CHMP7: variants seen among roughly 807,000 people sequenced by gnomAD.
CHMP7 encodes charged multivesicular body protein 7.
Under a neutral mutation model 53.7 loss-of-function variants are expected in CHMP7, and 15 were observed. That is an observed-to-expected ratio of 0.28 (90% confidence interval 0.19 to 0.43). The LOEUF is 0.43. Among genes scored for constraint, CHMP7 ranks in the 20% least tolerant of loss-of-function variants. The pLI is 1.00. For missense variants in CHMP7, 527 were observed against 569.4 expected (o/e 0.93, Z 0.76); for synonymous variants, 261 against 228.0 (o/e 1.14, Z -1.30).
intron 7 of CHMP7, 25 bp downstream of exon 7, chr8:23,258,474 A>G (rs983023499): frequency 3.1e-6 from 5 of 1,613,440 alleles, no homozygotes; most frequent in Non-Finnish European, 4.2e-6. Context: ...CTACTCCAGC[A>G]CTTGGCTGGT....
intron 5 of CHMP7, 74 bp downstream of exon 5, chr8:23,256,667 G>A: frequency 7.8e-7 from 1 of 1,274,662 alleles, no homozygotes; most frequent in Non-Finnish European, 1.1e-6. Flanking sequence ...GTTAGTATAT[G>A]TGGGCTTTTA....
Position 23,246,708 on chromosome 8 carries a change from G to A in CHMP7, c.13G>A (p.Glu5Lys), listed in dbSNP as rs112810868. Reference sequence around the variant, plus strand: ...GGCTGGGGTTCCGATGTGGTCCCCGGAGCGGGAGGCCGAGGCCCCAGCCGG... The same window carrying A: ...GGCTGGGGTTCCGATGTGGTCCCCGAAGCGGGAGGCCGAGGCCCCAGCCGG... MWSP[E>K]REAEAPAGGD... The change falls in exon 2 of 11, where the codon GAG becomes AAG. Residue 5 changes from glutamate (E) to lysine (K), a missense_variant. Coordinates refer to ENST00000397677, the MANE Select transcript of CHMP7 (RefSeq NM_152272.5). The A allele has an allele frequency of 6.5e-7, 1 of 1,548,774 alleles. No homozygotes were observed.
At position 23,260,897 on chromosome 8, in the gene CHMP7, T is replaced by G. The variant is rs1802359269; in HGVS notation, c.*298T>G. On this transcript the variant is annotated 3_prime_UTR_variant, in exon 11 of 11. Coordinates refer to ENST00000397677, the MANE Select transcript of CHMP7 (RefSeq NM_152272.5). ...CTGCAGTTCTTGCCATTGGCACACTTAGATTTGTCTTCACCCACCAGCTTC... is the reference window on the plus strand; with the variant it reads ...CTGCAGTTCTTGCCATTGGCACACTGAGATTTGTCTTCACCCACCAGCTTC... 4 of 427,358 alleles carry G rather than the reference T, an allele frequency of 9.4e-6. No homozygotes were observed. The highest frequency in any genetic ancestry group is 1.7e-5 in the Non-Finnish European group (4 of 238,640). The allele number at this position is 427,358 out of a possible 1,614,324, so 26.5% of individuals were successfully genotyped here.
chr8:23,246,424 G>A lies in CHMP7; in HGVS notation c.-272G>A. ...GCAGCCACCTGCCGCGCAGGCGCAA[G>A]CCTTTCTTTCGGCACAAAGACCGTG... is the stretch of plus-strand genomic sequence containing the variant. On this transcript the variant is annotated 5_prime_UTR_variant, in exon 2 of 11. Coordinates refer to ENST00000397677, the MANE Select transcript of CHMP7 (RefSeq NM_152272.5). 2.0e-6 allele frequency: 1 copy of A among 497,672 alleles called. No homozygotes were observed. Among genetic ancestry groups the A allele is most frequent in the African/African-American group, 2.0e-5 (1 of 51,224 alleles). 30.8% of individuals were successfully genotyped at this position (497,672 alleles called of 1,614,324 possible).
At chr8:23,255,986 C>T (rs562660275) in intron 4 of CHMP7, among the ~76,000 whole-genome samples, 1 of 152,144 alleles carries the variant, frequency 6.6e-6, no homozygotes, top group South Asian at 2.1e-4. Flanking sequence ...TCTTGAACTC[C>T]TGACCTCAAG....
intron 1 of CHMP7, among the ~76,000 whole-genome samples, chr8:23,244,693 C>A (rs1197228218): frequency 6.6e-6 from 1 of 152,166 alleles, no homozygotes; most frequent in Non-Finnish European, 1.5e-5. Flanking sequence ...ATGATTTTCA[C>A]TGGGATTTCA....
At chr8:23,244,158 C>T (rs999117116) in intron 1 of CHMP7, among the ~76,000 whole-genome samples, 1 of 151,984 alleles carries the variant, frequency 6.6e-6, no homozygotes, top group Non-Finnish European at 1.5e-5. Context: ...ATAATAATTA[C>T]GTCTAATTTA....
chr8:23,247,865 C>A, intron 2 of CHMP7: 1 of 356,232 alleles, frequency 2.8e-6, no homozygotes, highest in Non-Finnish European at 5.5e-6. Flanking sequence ...TAGCGTGATA[C>A]CTCTCTCAGT....
chr8:23,254,529 G>A (rs1264304348), intron 3 of CHMP7, among the ~76,000 whole-genome samples: 1 of 151,598 alleles, frequency 6.6e-6, no homozygotes, highest in African/African-American at 2.4e-5. Flanking sequence ...CAAGTAGCTG[G>A]GATTACAGGT....
At position 23,247,491 on chromosome 8, in the gene CHMP7, A is replaced by T. The variant is rs911766789; in HGVS notation, c.299+497A>T. On this transcript the variant is annotated intron_variant, in intron 2 of 10. Transcript: ENST00000397677. The stretch of plus-strand genomic sequence containing the variant: ...CTTGTCCTTGGCACAGGCTTTTTGG[A>T]GCAGAGAGGACGTGAAGGAGAATGA... Among the ~76,000 whole-genome samples, 38 of 152,200 alleles carry T rather than the reference A, an allele frequency of 2.5e-4. No homozygotes were observed. In the Middle Eastern group the frequency reaches 0.01, roughly 41 times the overall value.
chr8:23,246,468 A>C lies in CHMP7; in HGVS notation c.-228A>C. ...GACCGTGGGAGGAGGGGTCGGCGCA[A>C]GCGCTCGGTGTCTCTCTGAAAAGAA... On this transcript the variant is annotated 5_prime_UTR_variant, in exon 2 of 11. Coordinates refer to ENST00000397677, the MANE Select transcript of CHMP7 (RefSeq NM_152272.5). The C allele has an allele frequency of 1.8e-6, 1 of 554,948 alleles. No individual in the cohort carries two copies. The highest frequency in any genetic ancestry group is 3.2e-6 in the Non-Finnish European group (1 of 313,996). The allele number at this position is 554,948 out of a possible 1,614,324, so 34.4% of individuals were successfully genotyped here.
At chr8:23,249,417 G>GGGGGTGTCTGGGTGTCT in intron 3 of CHMP7, 36 bp downstream of exon 3, 2 of 1,523,918 alleles carry the variant, frequency 1.3e-6, no homozygotes, top group South Asian at 2.6e-5. Context: ...GGTGTCACCT[G>GGGGGTGTCTGGGTGTCT]GTGTGATCAC....
At position 23,249,071 on chromosome 8, in the gene CHMP7, G is replaced by T. The variant is rs182968146; in HGVS notation, c.300-139G>T. ...TGGAGTATAAACAATGCTGCGTGTC[G>T]TTGGCACAGCGTAGGTGCTTAACAA... is the stretch of plus-strand genomic sequence containing the variant. On this transcript the variant is annotated intron_variant, in intron 2 of 10. Transcript: ENST00000397677. 1.2e-4 allele frequency: 69 copies of T among 587,874 alleles called. No individual in the cohort carries two copies. In the African/African-American group the frequency reaches 1.3e-3, roughly 11 times the overall value. 36.4% of individuals were successfully genotyped at this position (587,874 alleles called of 1,614,324 possible).
chr8:23,246,686 T>A lies in CHMP7; in HGVS notation c.-10T>A, dbSNP rs369322622. On this transcript the variant is annotated 5_prime_UTR_variant, in exon 2 of 11. Coordinates refer to ENST00000397677, the MANE Select transcript of CHMP7 (RefSeq NM_152272.5). ...CTTGTGTTCGCAGCCTTGCCGGGGCTGGGGTTCCGATGTGGTCCCCGGAGC... is the reference window on the plus strand; with the variant it reads ...CTTGTGTTCGCAGCCTTGCCGGGGCAGGGGTTCCGATGTGGTCCCCGGAGC... 8.0e-5 allele frequency: 123 copies of A among 1,545,756 alleles called. No homozygotes were observed. Among genetic ancestry groups the A allele is most frequent in the Middle Eastern group, 2.2e-4 (1 of 4,462 alleles).
chr8:23,246,716 G>A lies in CHMP7; in HGVS notation c.21G>A (p.Glu7=). MWSPER[E]AEAPAGGDPA... Reference sequence around the variant, plus strand: ...TTCCGATGTGGTCCCCGGAGCGGGAGGCCGAGGCCCCAGCCGGGGGAGACC... The same window carrying A: ...TTCCGATGTGGTCCCCGGAGCGGGAAGCCGAGGCCCCAGCCGGGGGAGACC... Residue 7 remains glutamate, a synonymous_variant, in exon 2 of 11, where the codon GAG becomes GAA. Transcript: ENST00000397677. 1 of 1,549,264 alleles carries A rather than the reference G, an allele frequency of 6.5e-7. No homozygotes were observed. The highest frequency in any genetic ancestry group is 8.7e-7 in the Non-Finnish European group (1 of 1,146,816).
rs115402987 is a variant in CHMP7 at position 23,258,380 on chromosome 8, C to T, written c.891C>T (p.Ala297=). ...AACGGACAGAGAAGCGCATCGAGGC[C>T]TTGCATGCCAAGCTGGACACTGTTC... is the stretch of plus-strand genomic sequence containing the variant. The part of the protein sequence containing the change: ...AKQRTEKRIE[A]LHAKLDTVQG... The change falls in exon 7 of 11, where the codon GCC becomes GCT. Residue 297 remains alanine, a synonymous_variant. Transcript: ENST00000397677. 2,484 of 1,614,156 alleles carry T rather than the reference C, an allele frequency of 1.5e-3. 49 individuals carry two copies. In the African/African-American group the frequency reaches 0.03, roughly 20 times the overall value.
At position 23,249,182 on chromosome 8, in the gene CHMP7, T is replaced by C. The variant is rs1265111028; in HGVS notation, c.300-28T>C. On this transcript the variant is annotated intron_variant, in intron 2 of 10. Coordinates refer to ENST00000397677, the MANE Select transcript of CHMP7 (RefSeq NM_152272.5). ...AATGGGACATTGCATTAAGTGCTAC[T>C]ACACGCCCTTCTTTTTCTTCCCTGC... 5 of 1,548,344 alleles carry C rather than the reference T, an allele frequency of 3.2e-6. No homozygotes were observed. In the South Asian group the frequency reaches 3.8e-5, roughly 12 times the overall value.
chr8:23,244,886 G>A (rs975295838), intron 1 of CHMP7, among the ~76,000 whole-genome samples: 1 of 152,062 alleles, frequency 6.6e-6, no homozygotes, highest in African/African-American at 2.4e-5. Context: ...AGTTTTATAG[G>A]GGGGTGCTAA....
At chr8:23,254,073 G>A (rs1802033255) in intron 3 of CHMP7, among the ~76,000 whole-genome samples, 1 of 151,112 alleles carries the variant, frequency 6.6e-6, no homozygotes, top group Admixed American at 6.6e-5. Context: ...CTCTACATTT[G>A]TACACGTGCC....
Sources: allele counts gnomAD v4.1 joint callset (sites outside exome capture counted in the v4.1 genomes callset), GRCh38; gene constraint gnomAD v4.1.1; transcripts MANE v1.5; gene names NCBI Gene and HGNC (gene_info 2026-07-23, HGNC 2026-07-21).